ZNF578: variants seen among roughly 807,000 people sequenced by gnomAD.
ZNF578 encodes the protein zinc finger protein 578, also known as Putative chemokine-related protein B42.
ZNF578 carries 8 observed loss-of-function variants against 8.3 expected under a neutral mutation model. That is an observed-to-expected ratio of 0.96 (90% CI 0.56 to 1.74). ZNF578 has a LOEUF of 1.74. Among genes scored for constraint, ZNF578 ranks in the 40% most tolerant of loss-of-function variants. The probability of loss-of-function intolerance (pLI) is 0.00; values close to 1 mark genes in which losing one functional copy is unlikely to be tolerated. For missense variants in ZNF578, 726 were observed against 707.5 expected (o/e 1.03, Z -0.30); for synonymous variants, 206 against 232.2 (o/e 0.89, Z 1.03).
chr19:52,462,799 T>G (rs776893710), intron 2 of ZNF578, among the ~76,000 whole-genome samples: 51 of 152,168 alleles, frequency 3.4e-4, no homozygotes, highest in Admixed American at 1.2e-3. Context: ...CATGGTAGAG[T>G]TTAAGATGTT....
chr19:52,511,550 AG>A lies in ZNF578; in HGVS notation c.1171del (p.Ala391GlnfsTer85). The stretch of plus-strand genomic sequence containing the variant: ...CAAAATTCAACCCTTGTAATTCATA[AG>A]GCAATTCATACTGGAGAGAAACCTT... ...FGQNSTLVIH[K>X]AIHTGEKPYK... On this transcript the variant is annotated frameshift_variant, in exon 6 of 6. Transcript: ENST00000421239. LOFTEE classifies it low-confidence loss of function (END_TRUNC). 1 of 1,613,734 alleles carries A rather than the reference AG, an allele frequency of 6.2e-7. No individual in the cohort carries two copies. Among genetic ancestry groups the A allele is most frequent in the East Asian group, 2.2e-5 (1 of 44,874 alleles).
At position 52,511,815 on chromosome 19, in the gene ZNF578, T is replaced by C; in HGVS notation, c.1434T>C (p.Thr478=). The change falls in exon 6 of 6, where the codon ACT becomes ACC. Residue 478 remains threonine, a synonymous_variant. Coordinates refer to ENST00000421239, the MANE Select transcript of ZNF578 (RefSeq NM_001099694.2). ...SNLERHKIIH[T]GEKPYKCNEC... ...TTGAGAGACACAAGATAATTCATACTGGAGAGAAACCTTACAAGTGTAATG... is the reference window on the plus strand; with the variant it reads ...TTGAGAGACACAAGATAATTCATACCGGAGAGAAACCTTACAAGTGTAATG... The C allele has an allele frequency of 6.2e-7, 1 of 1,613,894 alleles. No individual in the cohort carries two copies. Among genetic ancestry groups the C allele is most frequent in the South Asian group, 1.1e-5 (1 of 91,076 alleles).
At chr19:52,502,547 G>A (rs1476872259) in intron 4 of ZNF578, among the ~76,000 whole-genome samples, 2 of 151,876 alleles carry the variant, frequency 1.3e-5, no homozygotes. Flanking sequence ...GACCAGCCTG[G>A]CCAACATGGT....
At chr19:52,507,362 T>A (rs2122971668) in intron 5 of ZNF578, among the ~76,000 whole-genome samples, 1 of 152,264 alleles carries the variant, frequency 6.6e-6, no homozygotes. Flanking sequence ...CACTCCAGCC[T>A]GTATGACAGA....
chr19:52,501,046 T>A (rs1599909594), intron 3 of ZNF578, among the ~76,000 whole-genome samples: 1 of 152,202 alleles, frequency 6.6e-6, no homozygotes, highest in Admixed American at 6.5e-5. Flanking sequence ...GCCCAGCTAA[T>A]TTTTGTACTT....
chr19:52,498,162 T>A (rs1264366599), intron 3 of ZNF578, among the ~76,000 whole-genome samples: 2 of 152,120 alleles, frequency 1.3e-5, no homozygotes, highest in Non-Finnish European at 2.9e-5. Flanking sequence ...TTTTTGTTTG[T>A]TTGTTTTTCT....
intron 2 of ZNF578, among the ~76,000 whole-genome samples, chr19:52,480,301 C>A (rs766388169): frequency 6.6e-6 from 1 of 152,148 alleles, no homozygotes; most frequent in Non-Finnish European, 1.5e-5. Context: ...TAACCAGTTT[C>A]TCTTCTTTCT....
At chr19:52,474,694 C>T (rs2059302520) in intron 2 of ZNF578, 1 of 245,426 alleles carries the variant, frequency 4.1e-6, no homozygotes, top group Admixed American at 4.9e-5. Flanking sequence ...TAACTCATAC[C>T]TGAAGACTTT....
intron 2 of ZNF578, among the ~76,000 whole-genome samples, chr19:52,487,149 A>T (rs546015856): frequency 1.3e-5 from 2 of 152,050 alleles, no homozygotes; most frequent in African/African-American, 2.4e-5. Flanking sequence ...CCTGGGCAAC[A>T]TAGTGAGAAC....
chr19:52,512,094 G>A lies in ZNF578; in HGVS notation c.1713G>A (p.Glu571=), dbSNP rs2059450899. ...HSGEKPYKCN[E]CGKAHNHLID... is the part of the protein sequence containing the mutation. The stretch of plus-strand genomic sequence containing the variant: ...GAGAGAAACCTTACAAGTGTAATGA[G>A]TGTGGTAAGGCTCACAATCACTTGA... Residue 571 remains glutamate (E), a synonymous_variant, in exon 6 of 6, where the codon GAG becomes GAA. Transcript: ENST00000421239. 2 of 1,612,876 alleles carry A rather than the reference G, an allele frequency of 1.2e-6. No homozygotes were observed. The highest frequency in any genetic ancestry group is 8.5e-7 in the Non-Finnish European group (1 of 1,179,612).
chr19:52,501,456 G>A (rs1044968923), intron 3 of ZNF578, among the ~76,000 whole-genome samples: 9 of 152,228 alleles, frequency 5.9e-5, no homozygotes, highest in Non-Finnish European at 1.0e-4. Flanking sequence ...GAGCATGGAA[G>A]CTCTGAGTCC....
chr19:52,501,777 AG>A, intron 3 of ZNF578, 49 bp from the exon 4 acceptor site: 1 of 1,584,172 alleles, frequency 6.3e-7, no homozygotes, highest in Non-Finnish European at 8.6e-7. Context: ...TATCACAGGA[AG>A]GGAGTGAGTC....
At chr19:52,465,219 G>A (rs1212608669) in intron 2 of ZNF578, among the ~76,000 whole-genome samples, 1 of 152,068 alleles carries the variant, frequency 6.6e-6, no homozygotes, top group Non-Finnish European at 1.5e-5. Flanking sequence ...TGAACTGCGG[G>A]GCAGGTAATA....
chr19:52,477,597 G>GT (rs34090143), intron 2 of ZNF578, among the ~76,000 whole-genome samples: 8,586 of 138,582 alleles, frequency 0.062, 749 homozygotes, highest in African/African-American at 0.2. Context: ...CCATTTTAGG[G>GT]TTTTTTTTTT....
intron 4 of ZNF578, among the ~76,000 whole-genome samples, chr19:52,504,052 TC>T (rs2059416742): frequency 6.6e-6 from 1 of 151,988 alleles, no homozygotes; most frequent in African/African-American, 2.4e-5. Context: ...CACATTGGTC[TC>T]CCAAAATGTT....
intron 3 of ZNF578, among the ~76,000 whole-genome samples, chr19:52,494,066 A>C (rs1055584331): frequency 6.6e-6 from 1 of 151,990 alleles, no homozygotes; most frequent in African/African-American, 2.4e-5. Flanking sequence ...GGAAGAATGG[A>C]ATAAATAGCA....
intron 2 of ZNF578, among the ~76,000 whole-genome samples, chr19:52,481,421 G>A (rs2059326017): frequency 6.6e-6 from 1 of 152,228 alleles, no homozygotes; most frequent in Admixed American, 6.5e-5. Flanking sequence ...CAAGGGCCCT[G>A]AGCATCTAGC....
At chr19:52,476,561 TCC>T (rs2059308948) in intron 2 of ZNF578, among the ~76,000 whole-genome samples, 1 of 152,202 alleles carries the variant, frequency 6.6e-6, no homozygotes, top group Non-Finnish European at 1.5e-5. Flanking sequence ...CACTCTGATA[TCC>T]CATATTCTTC....
At position 52,511,273 on chromosome 19, in the gene ZNF578, T is replaced by C. The variant is rs1599919283; in HGVS notation, c.892T>C (p.Tyr298His). The C allele has an allele frequency of 6.2e-7, 1 of 1,613,792 alleles. No individual in the cohort carries two copies. The highest frequency in any genetic ancestry group is 2.2e-5 in the East Asian group (1 of 44,840). Residue 298 changes from tyrosine to histidine, a missense_variant, in exon 6 of 6, where the codon TAC (tyrosine) becomes CAC (histidine). Physicochemically the swap from Tyr to His is moderately conservative, Grantham distance 83. Coordinates refer to ENST00000421239, the MANE Select transcript of ZNF578 (RefSeq NM_001099694.2). ...KCNECGKSFS[Y>H]KSSLTCHRRC... Reference sequence around the variant, plus strand: ...TAATGAATGTGGAAAGTCCTTCAGTTACAAGTCATCCCTGACATGCCATCG... The same window carrying C: ...TAATGAATGTGGAAAGTCCTTCAGTCACAAGTCATCCCTGACATGCCATCG...
Sources: gnomAD v4.1 joint callset for allele counts (sites outside exome capture counted in the v4.1 genomes callset) on GRCh38, gnomAD v4.1.1 for gene constraint, MANE v1.5 for transcripts, NCBI Gene and HGNC (gene_info 2026-07-23, HGNC 2026-07-21) for gene names.